Variants in UTP20 observed in about 807,000 individuals in gnomAD.
UTP20 encodes UTP20 small subunit processome component.
Under a neutral mutation model 329.5 loss-of-function variants are expected in UTP20, and 164 were observed. That is an observed-to-expected ratio of 0.50 (90% CI 0.44 to 0.57). The LOEUF is 0.57. Ranked by LOEUF, UTP20 falls within the 20% of genes least tolerant of loss-of-function variation. The pLI is 0.00. For synonymous variants in UTP20, 1,151 were observed against 1,159.3 expected (o/e 0.99, Z 0.14); for missense variants, 3,055 against 3,284.2 (o/e 0.93, Z 1.71).
chr12:101,296,538 T>C (rs1047317599), intron 12 of UTP20, among the ~76,000 whole-genome samples: 2 of 146,768 alleles, frequency 1.4e-5, no homozygotes, highest in Non-Finnish European at 3.0e-5. Context: ...GCCACTGCCC[T>C]CCAGCCTGCA....
rs1565811516 is a variant in UTP20 at position 101,385,614 on chromosome 12, C to T, written c.8088C>T (p.Ile2696=). Residue 2696 remains isoleucine (I), a synonymous_variant, in exon 61 of 62, where the codon ATC becomes ATT. Transcript: ENST00000261637. ...TGCTGAAGAATCTATCCCAGGAAATCATAGAATTACTCAAAAAGCTGGTTG... is the reference window on the plus strand; with the variant it reads ...TGCTGAAGAATCTATCCCAGGAAATTATAGAATTACTCAAAAAGCTGGTTG... ...DPLLKNLSQE[I]IELLKKLVGL... The T allele has an allele frequency of 6.2e-7, 1 of 1,613,634 alleles. No homozygotes were observed. Among genetic ancestry groups the T allele is most frequent in the African/African-American group, 1.3e-5 (1 of 74,874 alleles).
intron 25 of UTP20, among the ~76,000 whole-genome samples, chr12:101,322,516 G>A (rs151069989): frequency 8.5e-4 from 130 of 152,246 alleles, no homozygotes; most frequent in African/African-American, 3.1e-3. Context: ...AAAGAAAAAT[G>A]AAGCTTAAAT....
At chr12:101,329,556 A>G (rs1868685338) in intron 27 of UTP20, 107 bp downstream of exon 27, 1 of 1,164,702 alleles carries the variant, frequency 8.6e-7, no homozygotes, top group African/African-American at 1.5e-5. Context: ...TCTCATTTCA[A>G]GTTTGATCCC....
In UTP20 at chr12:101,338,078, G is replaced by A; in HGVS notation, c.3669G>A (p.Lys1223=). The change falls in exon 30 of 62, where the codon AAG becomes AAA. Residue 1223 remains lysine, a synonymous_variant. Coordinates refer to ENST00000261637, the MANE Select transcript of UTP20 (RefSeq NM_014503.3). ...ATTTCCCTTTGCTGGCTAAACAGAA[G>A]CCTGGGCACCCAGAATGTGATATCC... The part of the protein sequence containing the change: ...ARYFPLLAKQ[K]PGHPECDILT... 1.2e-6 allele frequency: 2 copies of A among 1,614,164 alleles called. No individual in the cohort carries two copies. Among genetic ancestry groups the A allele is most frequent in the South Asian group, 2.2e-5 (2 of 91,082 alleles).
At chr12:101,327,609 A>C (rs1160562395) in intron 26 of UTP20, among the ~76,000 whole-genome samples, 3 of 152,226 alleles carry the variant, frequency 2.0e-5, no homozygotes. Flanking sequence ...TTTGGCATTT[A>C]TTCATTCCCT....
rs35133331 is a variant in UTP20, at chr12:101,342,311, A to C, written c.4102-135A>C. 7 of 697,826 alleles carry C rather than the reference A, an allele frequency of 1.0e-5. No individual in the cohort carries two copies. In the African/African-American group the frequency reaches 1.3e-4, roughly 13 times the overall value. 43.2% of individuals were successfully genotyped at this position (697,826 alleles called of 1,614,324 possible). ...TTAAAATGCTAAAAACTTTTAAAAGACGATAAAATAATTTTTCCAATTACT... is the reference window on the plus strand; with the variant it reads ...TTAAAATGCTAAAAACTTTTAAAAGCCGATAAAATAATTTTTCCAATTACT... On this transcript the variant is annotated intron_variant, in intron 32 of 61. Transcript: ENST00000261637.
At chr12:101,362,239 C>T (rs1869951951) in intron 44 of UTP20, among the ~76,000 whole-genome samples, 179 bp downstream of exon 44, 1 of 152,160 alleles carries the variant, frequency 6.6e-6, no homozygotes, top group South Asian at 2.1e-4. Flanking sequence ...CACTCTGTCA[C>T]TGCAAGGAGG....
chr12:101,346,514 C>G lies in UTP20; in HGVS notation c.4810C>G (p.Leu1604Val), dbSNP rs367941748. ...AKQLMEGKVVLSSKSLQNYIM... is the reference protein window; with the variant it reads ...AKQLMEGKVVVSSKSLQNYIM... ...ACAACTAATGGAAGGCAAAGTTGTT[C>G]TGTCTTCTAAATCTCTTCAGAATTA... The change falls in exon 38 of 62, where the codon CTG becomes GTG. Residue 1604 changes from leucine to valine, a missense_variant. Transcript: ENST00000261637. 1 of 1,610,320 alleles carries G rather than the reference C, an allele frequency of 6.2e-7. No homozygotes were observed. Among genetic ancestry groups the G allele is most frequent in the African/African-American group, 1.3e-5 (1 of 74,680 alleles).
In UTP20 at chr12:101,370,567, T is replaced by C. The variant is rs1870252232; in HGVS notation, c.6687+4T>C. ...CACTGCCTTTGGTCTTCTGAAGGTA[T>C]GCTGTCGCCAGAATGTTGACTGTTA... On this transcript the variant is annotated splice_donor_region_variant and intron_variant, in intron 50 of 61. Transcript: ENST00000261637. 1 of 1,611,292 alleles carries C rather than the reference T, an allele frequency of 6.2e-7. No individual in the cohort carries two copies. Among genetic ancestry groups the C allele is most frequent in the Non-Finnish European group, 8.5e-7 (1 of 1,178,776 alleles).
chr12:101,292,049 T>A lies in UTP20; in HGVS notation c.1118T>A (p.Ile373Asn). 1.2e-6 allele frequency: 2 copies of A among 1,614,156 alleles called. No homozygotes were observed. The highest frequency in any genetic ancestry group is 1.7e-6 in the Non-Finnish European group (2 of 1,180,026). Residue 373 changes from isoleucine to asparagine, a missense_variant, in exon 10 of 62, where the codon ATC (isoleucine) becomes AAC (asparagine). Physicochemically the swap from Ile to Asn is moderately radical, Grantham distance 149 (BLOSUM62 -3). Coordinates refer to ENST00000261637, the MANE Select transcript of UTP20 (RefSeq NM_014503.3). ...ETLLDVISALILGENVSLPET... is the reference protein window; with the variant it reads ...ETLLDVISALNLGENVSLPET... The stretch of plus-strand genomic sequence containing the variant: ...CTCTTGGATGTAATTTCTGCTTTGA[T>A]CCTGGGTGAAAATGTTTCCTTGCCG...
intron 18 of UTP20, among the ~76,000 whole-genome samples, chr12:101,308,886 C>G (rs1235584543): frequency 1.3e-5 from 2 of 152,138 alleles, no homozygotes; most frequent in African/African-American, 4.8e-5. Context: ...GTGCATGCCA[C>G]CACACCTGGC....
chr12:101,366,422 T>G, intron 46 of UTP20, 136 bp from the exon 47 acceptor site: 1 of 1,040,600 alleles, frequency 9.6e-7, no homozygotes, highest in African/African-American at 1.6e-5. Context: ...GTTTGGGGGT[T>G]TGGGGAGGGG....
intron 51 of UTP20, among the ~76,000 whole-genome samples, chr12:101,371,523 CTTTTTTTTTTTTTTTTT>C (rs58024998): frequency 3.1e-5 from 2 of 65,390 alleles, no homozygotes; most frequent in African/African-American, 1.6e-4. Context: ...GGGCTTTGTT[CTTTTTTTTTTTTTTTTT>C]TTTTTTTTTG....
chr12:101,342,255 G>C (rs1458903787), intron 32 of UTP20, among the ~76,000 whole-genome samples, 191 bp from the exon 33 acceptor site: 3 of 152,086 alleles, frequency 2.0e-5, no homozygotes, highest in Admixed American at 1.3e-4. Context: ...GAAGAAACTG[G>C]TTCACACATT....
intron 40 of UTP20, among the ~76,000 whole-genome samples, chr12:101,353,781 A>G (rs1869620828): frequency 6.6e-6 from 1 of 152,240 alleles, no homozygotes; most frequent in Admixed American, 6.5e-5. Flanking sequence ...ATCTGTAAAA[A>G]TGTAAGATGT....
At chr12:101,307,489 G>T (rs925079079) in intron 17 of UTP20, among the ~76,000 whole-genome samples, 6 of 152,032 alleles carry the variant, frequency 3.9e-5, no homozygotes, top group Admixed American at 3.3e-4. Context: ...CGATCCTCCT[G>T]GCTCATCCTT....
At position 101,357,200 on chromosome 12, in the gene UTP20, G is replaced by A. The variant is rs1055503513; in HGVS notation, c.5691+118G>A. ...TTTAAATTTGATCCACTGACACTCT[G>A]AGCAGTAATATTCAAAAGTTTCCAA... On this transcript the variant is annotated intron_variant, in intron 43 of 61. Transcript: ENST00000261637. 14 of 894,446 alleles carry A rather than the reference G, an allele frequency of 1.6e-5. 1 individual carries two copies. The East Asian group carries it at 3.5e-4, about 22-fold the overall frequency. The allele number at this position is 894,446 out of a possible 1,614,324, so 55.4% of individuals were successfully genotyped here.
chr12:101,359,535 T>G (rs1869845011), intron 43 of UTP20, among the ~76,000 whole-genome samples: 1 of 151,964 alleles, frequency 6.6e-6, no homozygotes, highest in African/African-American at 2.4e-5. Context: ...TCTTCCACTC[T>G]GTTTAGGTTG....
At chr12:101,374,999 A>G in intron 55 of UTP20, 60 bp downstream of exon 55, 2 of 1,255,310 alleles carry the variant, frequency 1.6e-6, no homozygotes, top group African/African-American at 1.5e-5. Context: ...GAGGTGATGT[A>G]GCTAACAGAT....
Sources: allele counts gnomAD v4.1 joint callset (sites outside exome capture counted in the v4.1 genomes callset), GRCh38; gene constraint gnomAD v4.1.1; transcripts MANE v1.5; gene names NCBI Gene and HGNC (gene_info 2026-07-23, HGNC 2026-07-21).